Variants in NDST3 observed in about 807,000 individuals in gnomAD.
NDST3 encodes bifunctional heparan sulfate N-deacetylase/N-sulfotransferase 3.
In NDST3, 58 loss-of-function variants were observed where a neutral mutation model predicts 96.1. The observed-to-expected ratio is 0.60, with a 90% CI of 0.49 to 0.75. NDST3 has a LOEUF of 0.75. Among genes scored for constraint, NDST3 ranks in the 30% least tolerant of loss-of-function variants. The pLI, the probability that NDST3 is intolerant of heterozygous loss-of-function variation, is 0.00. For synonymous variants in NDST3, 333 were observed against 359.7 expected, an observed-to-expected ratio of 0.93 and a Z score of 0.84; for missense variants, 788 against 1,034.2, an observed-to-expected ratio of 0.76 and a Z score of 3.27.
At chr4:118,047,765 T>A (rs1724853536) in intron 1 of NDST3, among the ~76,000 whole-genome samples, 1 of 152,168 alleles carries the variant, frequency 6.6e-6, no homozygotes, top group African/African-American at 2.4e-5. Flanking sequence ...GACACCAAAT[T>A]TATGATTCAT....
intron 2 of NDST3, among the ~76,000 whole-genome samples, chr4:118,096,604 T>C (rs575387333): frequency 2.0e-5 from 3 of 152,010 alleles, no homozygotes; most frequent in African/African-American, 7.2e-5. Context: ...ACAGATAATC[T>C]TCTATTGATT....
At chr4:118,176,718 C>T (rs557914391) in intron 6 of NDST3, among the ~76,000 whole-genome samples, 2 of 152,182 alleles carry the variant, frequency 1.3e-5, no homozygotes, top group East Asian at 1.9e-4. Context: ...ACACCCACTA[C>T]ACTAATTGAT....
At chr4:118,057,968 C>T (rs1578549013) in intron 2 of NDST3, among the ~76,000 whole-genome samples, 1 of 151,578 alleles carries the variant, frequency 6.6e-6, no homozygotes, top group East Asian at 1.9e-4. Flanking sequence ...GGTGACCTAA[C>T]TAAATCAGAT....
At chr4:118,074,716 T>C (rs1727358237) in intron 2 of NDST3, among the ~76,000 whole-genome samples, 1 of 152,186 alleles carries the variant, frequency 6.6e-6, no homozygotes, top group African/African-American at 2.4e-5. Flanking sequence ...TGCCTTTTAA[T>C]TGGGGAATTT....
chr4:118,198,673 T>G (rs1432241118), intron 6 of NDST3, among the ~76,000 whole-genome samples: 2 of 152,206 alleles, frequency 1.3e-5, no homozygotes, highest in East Asian at 3.9e-4. Flanking sequence ...GATTATTTAT[T>G]GCTCATTAAT....
chr4:118,103,690 G>T (rs1729944341), intron 2 of NDST3, among the ~76,000 whole-genome samples: 1 of 152,088 alleles, frequency 6.6e-6, no homozygotes, highest in African/African-American at 2.4e-5. Flanking sequence ...TGTCCCTGAT[G>T]ACATTGCTGT....
intron 1 of NDST3, among the ~76,000 whole-genome samples, chr4:118,050,122 A>G (rs980494766): frequency 6.6e-6 from 1 of 152,200 alleles, no homozygotes; most frequent in African/African-American, 2.4e-5. Context: ...AACAGAATTA[A>G]AAGCAAAGCC....
rs1247956296 is a variant in NDST3, at chr4:118,255,926, A to G, written c.*214A>G. ...TGGCCTTTCTCTTAACCCATATCTG[A>G]GCCTGTGGGATTATTGTAGACTACT... On this transcript the variant is annotated 3_prime_UTR_variant, in exon 14 of 14. Coordinates refer to ENST00000296499, the MANE Select transcript of NDST3 (RefSeq NM_004784.3). The G allele has an allele frequency of 4.9e-6, 2 of 407,900 alleles. No homozygotes were observed. Among genetic ancestry groups the G allele is most frequent in the Non-Finnish European group, 8.6e-6 (2 of 233,156 alleles). 25.3% of individuals were successfully genotyped at this position (407,900 alleles called of 1,614,324 possible).
At chr4:118,033,565 G>GGC (rs1723989854), upstream of NDST3, 1 of 151,842 alleles carries the variant, frequency 6.6e-6, no homozygotes, top group Non-Finnish European at 1.5e-5. Flanking sequence ...CCCCGGGGCG[G>GGC]GCGCGCGCGG....
chr4:118,074,067 C>G (rs1399054456), intron 2 of NDST3, among the ~76,000 whole-genome samples: 1 of 152,064 alleles, frequency 6.6e-6, no homozygotes, highest in Non-Finnish European at 1.5e-5. Flanking sequence ...GCTTAATTTT[C>G]ATGTAATTGT....
chr4:118,129,768 A>G (rs1047334234), intron 4 of NDST3, among the ~76,000 whole-genome samples: 1 of 152,080 alleles, frequency 6.6e-6, no homozygotes, highest in Non-Finnish European at 1.5e-5. Context: ...CATCTGTCCA[A>G]TGCTGAAAGT....
intron 6 of NDST3, among the ~76,000 whole-genome samples, chr4:118,177,761 A>G (rs2125945888): frequency 6.6e-6 from 1 of 152,058 alleles, no homozygotes; most frequent in African/African-American, 2.4e-5. Flanking sequence ...TGCTGCTGGG[A>G]TTTTTTAAAG....
intron 4 of NDST3, among the ~76,000 whole-genome samples, chr4:118,124,793 A>G (rs1344618859): frequency 2.0e-5 from 3 of 152,084 alleles, no homozygotes; most frequent in Admixed American, 6.6e-5. Flanking sequence ...CTGTTTTATA[A>G]GTTGCTATAA....
At chr4:118,195,776 T>A (rs1737642923) in intron 6 of NDST3, among the ~76,000 whole-genome samples, 1 of 152,236 alleles carries the variant, frequency 6.6e-6, no homozygotes, top group South Asian at 2.1e-4. Context: ...TTCCCAAATA[T>A]AAGATACCAT....
At chr4:118,146,775 A>T (rs34293412) in intron 6 of NDST3, among the ~76,000 whole-genome samples, 1 of 152,194 alleles carries the variant, frequency 6.6e-6, no homozygotes, top group African/African-American at 2.4e-5. Context: ...AGCTGGATGC[A>T]GGGGTTTTGA....
At chr4:118,166,328 C>T (rs1735550240) in intron 6 of NDST3, among the ~76,000 whole-genome samples, 1 of 151,858 alleles carries the variant, frequency 6.6e-6, no homozygotes, top group African/African-American at 2.4e-5. Context: ...TTTCTAAACA[C>T]ATACAACCCC....
intron 12 of NDST3, among the ~76,000 whole-genome samples, chr4:118,249,988 C>T (rs1741579299): frequency 1.3e-5 from 2 of 152,184 alleles, no homozygotes; most frequent in African/African-American, 2.4e-5. Context: ...CTTTCTTTCA[C>T]TTAGCATAAT....
intron 6 of NDST3, among the ~76,000 whole-genome samples, chr4:118,149,445 T>C (rs903868414): frequency 1.4e-5 from 2 of 147,424 alleles, no homozygotes. Context: ...CAGTGGTTTG[T>C]AGTTCTCCTT....
intron 6 of NDST3, among the ~76,000 whole-genome samples, chr4:118,165,916 T>C (rs1281236017): frequency 1.3e-5 from 2 of 151,808 alleles, no homozygotes; most frequent in African/African-American, 4.8e-5. Flanking sequence ...AAAAGCAGTA[T>C]TATGAGGGAA....
Sources: allele counts gnomAD v4.1 joint callset (sites outside exome capture counted in the v4.1 genomes callset), GRCh38; gene constraint gnomAD v4.1.1; transcripts MANE v1.5; gene names NCBI Gene and HGNC (gene_info 2026-07-23, HGNC 2026-07-21).